Variants in NKAIN3 observed in about 807,000 individuals in gnomAD.
NKAIN3 encodes the protein sodium/potassium transporting ATPase interacting 3, also known as sodium/potassium-transporting ATPase subunit beta-1-interacting protein 3.
NKAIN3 carries 25 observed loss-of-function variants against 30.2 expected under a neutral mutation model. The observed-to-expected ratio is 0.83, with a 90% confidence interval of 0.60 to 1.16. NKAIN3 has a LOEUF of 1.16. Ranked by LOEUF, NKAIN3 falls within the 50% of genes most tolerant of loss-of-function variation. The pLI, the probability that NKAIN3 is intolerant of heterozygous loss-of-function variation, is 0.00. For missense variants in NKAIN3, 225 were observed against 254.1 expected (o/e 0.89, Z 0.78); for synonymous variants, 91 against 89.6 (o/e 1.02, Z -0.09).
intron 3 of NKAIN3, among the ~76,000 whole-genome samples, chr8:62,744,749 T>A (rs1318980288): frequency 6.6e-6 from 1 of 152,176 alleles, no homozygotes; most frequent in Admixed American, 6.5e-5. Context: ...GAAGCAATTA[T>A]TTCTCTATAA....
intron 3 of NKAIN3, among the ~76,000 whole-genome samples, chr8:62,668,097 T>TAC (rs1370972240): frequency 6.7e-5 from 9 of 133,588 alleles, no homozygotes; most frequent in South Asian, 2.2e-4. Flanking sequence ...CACACACACA[T>TAC]ACACACACAC....
chr8:62,301,452 A>G (rs1412546480), intron 1 of NKAIN3, among the ~76,000 whole-genome samples: 5 of 152,008 alleles, frequency 3.3e-5, no homozygotes, highest in South Asian at 2.1e-4. Context: ...ATACAAAACA[A>G]CTGGACTGGT....
At chr8:62,855,616 C>T in intron 4 of NKAIN3, 3 of 1,602,976 alleles carry the variant, frequency 1.9e-6, no homozygotes, top group Non-Finnish European at 2.6e-6. Flanking sequence ...CTTGTTCAGT[C>T]TCCATCAAAT....
At chr8:62,301,057 A>G (rs1224390078) in intron 1 of NKAIN3, among the ~76,000 whole-genome samples, 1 of 152,102 alleles carries the variant, frequency 6.6e-6, no homozygotes, top group Non-Finnish European at 1.5e-5. Flanking sequence ...ACATGAAGAG[A>G]CTGGGCATTG....
intron 4 of NKAIN3, among the ~76,000 whole-genome samples, chr8:62,913,848 A>T (rs530231264): frequency 6.6e-6 from 1 of 152,352 alleles, no homozygotes; most frequent in East Asian, 1.9e-4. Flanking sequence ...AAACTGTTTG[A>T]AATGTGCTAT....
intron 5 of NKAIN3, among the ~76,000 whole-genome samples, chr8:62,952,230 A>C (rs1300511278): frequency 6.6e-6 from 1 of 152,080 alleles, no homozygotes; most frequent in African/African-American, 2.4e-5. Flanking sequence ...ATACAATACA[A>C]TTTTTGTGAA....
At chr8:62,416,823 C>T (rs1196167274) in intron 1 of NKAIN3, among the ~76,000 whole-genome samples, 5 of 151,744 alleles carry the variant, frequency 3.3e-5, no homozygotes, top group African/African-American at 9.7e-5. Context: ...GGTGAAACCC[C>T]GTCTCTACTA....
intron 3 of NKAIN3, among the ~76,000 whole-genome samples, chr8:62,735,596 G>A (rs569804580): frequency 6.6e-6 from 1 of 152,086 alleles, no homozygotes; most frequent in East Asian, 1.9e-4. Context: ...TTTCTTTGGT[G>A]CCTCGTTAAG....
chr8:62,452,024 A>G (rs541371074), intron 1 of NKAIN3, among the ~76,000 whole-genome samples: 2 of 152,360 alleles, frequency 1.3e-5, no homozygotes, highest in African/African-American at 4.8e-5. Flanking sequence ...TGAACCCAGT[A>G]GAATAATGCA....
chr8:62,395,886 A>G (rs1185896714), intron 1 of NKAIN3, among the ~76,000 whole-genome samples: 2 of 152,182 alleles, frequency 1.3e-5, no homozygotes, highest in Non-Finnish European at 2.9e-5. Flanking sequence ...TTAAATGTTA[A>G]TTATTCTTTC....
chr8:62,619,995 C>T (rs753451584), intron 3 of NKAIN3, among the ~76,000 whole-genome samples: 23 of 152,058 alleles, frequency 1.5e-4, no homozygotes, highest in South Asian at 2.1e-4. Context: ...CACAGATTAA[C>T]GAGAGGAAAC....
At chr8:62,294,054 T>G (rs550809257) in intron 1 of NKAIN3, among the ~76,000 whole-genome samples, 4 of 152,320 alleles carry the variant, frequency 2.6e-5, no homozygotes, top group South Asian at 4.1e-4. Flanking sequence ...GGATGCAATC[T>G]CCTGGCATGC....
At chr8:62,529,007 C>G (rs1026905907) in intron 1 of NKAIN3, among the ~76,000 whole-genome samples, 1 of 152,170 alleles carries the variant, frequency 6.6e-6, no homozygotes, top group South Asian at 2.1e-4. Context: ...ATAATCAGGA[C>G]TCTCTGAAAC....
At chr8:62,374,730 C>A (rs2129593557) in intron 1 of NKAIN3, among the ~76,000 whole-genome samples, 1 of 152,274 alleles carries the variant, frequency 6.6e-6, no homozygotes, top group Non-Finnish European at 1.5e-5. Flanking sequence ...TCTGACAAAG[C>A]CCAAATCAAT....
chr8:62,343,653 A>AC (rs2129591104), intron 1 of NKAIN3, among the ~76,000 whole-genome samples: 1 of 151,900 alleles, frequency 6.6e-6, no homozygotes, highest in Admixed American at 6.6e-5. Flanking sequence ...CTTCAAAAAA[A>AC]TTTTTTAATT....
chr8:62,799,611 T>G (rs1817988055), intron 4 of NKAIN3, among the ~76,000 whole-genome samples: 1 of 152,178 alleles, frequency 6.6e-6, no homozygotes, highest in Non-Finnish European at 1.5e-5. Flanking sequence ...TGTAAACTAG[T>G]ATAACCACAA....
At chr8:62,267,886 C>T (rs963050136) in intron 1 of NKAIN3, among the ~76,000 whole-genome samples, 1 of 152,160 alleles carries the variant, frequency 6.6e-6, no homozygotes, top group Non-Finnish European at 1.5e-5. Context: ...TTTATAGCAA[C>T]TTTAATGTAT....
intron 1 of NKAIN3, among the ~76,000 whole-genome samples, chr8:62,270,269 A>C (rs964511003): frequency 1.2e-4 from 18 of 152,030 alleles, no homozygotes; most frequent in African/African-American, 4.3e-4. Flanking sequence ...TCTTGTAGAG[A>C]TAGGGTCTTG....
chr8:62,427,800 T>C (rs181681545), intron 1 of NKAIN3, among the ~76,000 whole-genome samples: 14 of 152,140 alleles, frequency 9.2e-5, no homozygotes, highest in Non-Finnish European at 1.8e-4. Flanking sequence ...TGGGTAATTG[T>C]AATATTTCAT....
Sources: allele counts gnomAD v4.1 joint callset (sites outside exome capture counted in the v4.1 genomes callset), GRCh38; gene constraint gnomAD v4.1.1; transcripts MANE v1.5; gene names NCBI Gene and HGNC (gene_info 2026-07-23, HGNC 2026-07-21).